PBRM1: variants seen among roughly 807,000 people sequenced by gnomAD.
PBRM1 encodes the protein polybromo 1.
A neutral mutation model predicts 194.5 loss-of-function variants in PBRM1; 27 were observed. That is an observed-to-expected ratio of 0.14 (90% CI 0.10 to 0.19). The LOEUF is 0.19. Among genes scored for constraint, PBRM1 ranks in the 10% least tolerant of loss-of-function variants. The pLI, the probability that PBRM1 is intolerant of heterozygous loss-of-function variation, is 1.00. For missense variants in PBRM1, 1,466 were observed against 2,077.2 expected, an observed-to-expected ratio of 0.71 and a Z score of 5.72; for synonymous variants, 655 against 693.2, an observed-to-expected ratio of 0.94 and a Z score of 0.87.
intron 26 of PBRM1, among the ~76,000 whole-genome samples, chr3:52,558,034 C>T (rs1359011485): frequency 6.6e-6 from 1 of 152,216 alleles, no homozygotes; most frequent in Non-Finnish European, 1.5e-5. Flanking sequence ...GAGCTGCTCC[C>T]TACCAATTAC....
intron 17 of PBRM1, among the ~76,000 whole-genome samples, chr3:52,591,524 T>G (rs1348526585): frequency 5.0e-5 from 7 of 138,700 alleles, no homozygotes; most frequent in Non-Finnish European, 9.4e-5. Context: ...TTTTTTTTTT[T>G]TTTTTTTTTT....
intron 15 of PBRM1, among the ~76,000 whole-genome samples, chr3:52,613,998 G>A (rs558442247): frequency 1.3e-5 from 2 of 152,246 alleles, no homozygotes; most frequent in South Asian, 4.1e-4. Flanking sequence ...AAAGACAAAT[G>A]CCTTAAAAAG....
At chr3:52,624,774 T>C in intron 13 of PBRM1, 123 bp downstream of exon 15, 1 of 660,390 alleles carries the variant, frequency 1.5e-6, no homozygotes, top group South Asian at 1.8e-5. Context: ...TAAAATAAAC[T>C]GGCACCCCAA....
intron 20 of PBRM1, among the ~76,000 whole-genome samples, chr3:52,582,007 G>GTGAGGTGGGTGGGTCACC (rs1560054680): frequency 6.6e-6 from 1 of 152,034 alleles, no homozygotes. Flanking sequence ...CTTTGGGAAG[G>GTGAGGTGGGTGGGTCACC]TGAGGTGGGT....
chr3:52,666,171 C>T (rs2096829981), intron 3 of PBRM1, among the ~76,000 whole-genome samples: 1 of 152,110 alleles, frequency 6.6e-6, no homozygotes, highest in South Asian at 2.1e-4. Flanking sequence ...GTCCTAGCTA[C>T]CTGGTAGGCT....
chr3:52,569,214 T>C (rs1318301274), intron 22 of PBRM1, among the ~76,000 whole-genome samples: 2 of 121,434 alleles, frequency 1.6e-5, no homozygotes, highest in East Asian at 2.2e-4. Flanking sequence ...TTCAATATGA[T>C]TTTTTTTTTT....
intron 13 of PBRM1, among the ~76,000 whole-genome samples, chr3:52,621,085 T>C (rs2095255514): frequency 6.6e-6 from 1 of 152,214 alleles, no homozygotes; most frequent in Non-Finnish European, 1.5e-5. Context: ...GGCTGAGCCT[T>C]ATATCCATGA....
At chr3:52,576,462 G>T (rs2089631604) in intron 22 of PBRM1, 79 bp downstream of exon 24, 1 of 1,145,778 alleles carries the variant, frequency 8.7e-7, no homozygotes, top group Non-Finnish European at 1.3e-6. Context: ...CTAACACCTA[G>T]AACAGTGCCC....
At chr3:52,641,016 C>T (rs2096059432) in intron 10 of PBRM1, among the ~76,000 whole-genome samples, 1 of 151,666 alleles carries the variant, frequency 6.6e-6, no homozygotes, top group Admixed American at 6.6e-5. Flanking sequence ...AAGACCAGGC[C>T]CAATTTAAAT....
At chr3:52,569,854 A>G (rs933452197) in intron 22 of PBRM1, among the ~76,000 whole-genome samples, 17 of 152,138 alleles carry the variant, frequency 1.1e-4, no homozygotes, top group Non-Finnish European at 4.4e-5. Flanking sequence ...GATGCTCTTG[A>G]ATTTTCACCT....
downstream of PBRM1, chr3:52,546,061 A>AC: frequency 4.3e-6 from 1 of 232,912 alleles, no homozygotes; most frequent in East Asian, 6.1e-5. Context: ...TTCCTATAGC[A>AC]CCTCTAGGCA....
chr3:52,665,631 G>T (rs1379437848), intron 3 of PBRM1, among the ~76,000 whole-genome samples: 1 of 152,194 alleles, frequency 6.6e-6, no homozygotes, highest in Non-Finnish European at 1.5e-5. Flanking sequence ...TCTCATAGGA[G>T]TGTGAACCCT....
Position 52,550,524 on chromosome 3 carries a change from TG to T in PBRM1, c.4793del (p.Pro1598HisfsTer14). The T allele has an allele frequency of 1.3e-6, 2 of 1,578,320 alleles. No individual in the cohort carries two copies. The highest frequency in any genetic ancestry group is 1.7e-6 in the Non-Finnish European group (2 of 1,164,636). ...AGTGAAGAAGCCGCTGGGTCTTTGG[TG>T]GGGGAGCTACAAACATGGGTGTTGT... On this transcript the variant is annotated frameshift_variant, in exon 29 of 30. Coordinates refer to ENST00000296302, the Ensembl canonical transcript of PBRM1. LOFTEE classifies it high-confidence loss of function.
chr3:52,640,242 C>CT (rs1189558003), intron 10 of PBRM1, among the ~76,000 whole-genome samples: 1 of 151,364 alleles, frequency 6.6e-6, no homozygotes, highest in Non-Finnish European at 1.5e-5. Context: ...CCATCCTTTT[C>CT]TTTTTTTCAA....
intron 15 of PBRM1, among the ~76,000 whole-genome samples, chr3:52,610,321 CCTTTAAT>C (rs1211153553): frequency 6.6e-6 from 1 of 152,116 alleles, no homozygotes; most frequent in African/African-American, 2.4e-5. Context: ...TACCTTGAGG[CCTTTAAT>C]CTCAATTGAA....
chr3:52,639,050 T>C (rs898761158), intron 10 of PBRM1, among the ~76,000 whole-genome samples: 1 of 144,566 alleles, frequency 6.9e-6, no homozygotes, highest in African/African-American at 2.6e-5. Flanking sequence ...AATGGCACAA[T>C]CTTGGCTCAC....
At chr3:52,594,544 C>T (rs2093389347) in intron 17 of PBRM1, among the ~76,000 whole-genome samples, 1 of 152,152 alleles carries the variant, frequency 6.6e-6, no homozygotes, top group African/African-American at 2.4e-5. Context: ...ATCCAGCTTG[C>T]CACTCTTGTT....
exon 30 of PBRM1, chr3:52,548,170 T>G: frequency 6.2e-7 from 1 of 1,611,118 alleles, no homozygotes; most frequent in Non-Finnish European, 8.5e-7. Context: ...GCCCCTTTGC[T>G]TTTCAGCCAG....
chr3:52,649,361 G>A (rs146048329), intron 6 of PBRM1, among the ~76,000 whole-genome samples: 2 of 152,080 alleles, frequency 1.3e-5, no homozygotes, highest in African/African-American at 4.8e-5. Flanking sequence ...TTCATGCTTG[G>A]GTCTAAAGGG....
Sources: allele counts gnomAD v4.1 joint callset (sites outside exome capture counted in the v4.1 genomes callset), GRCh38; gene constraint gnomAD v4.1.1; transcripts MANE v1.5; gene names NCBI Gene and HGNC (gene_info 2026-07-23, HGNC 2026-07-21).